The following FNDC3B variants were observed in gnomAD, a reference collection of about 807,000 sequenced individuals.
The protein encoded by FNDC3B is fibronectin type III domain containing 3B, also known as fibronectin type III domain-containing protein 3B.
A neutral mutation model predicts 151.5 loss-of-function variants in FNDC3B; 12 were observed. The observed-to-expected ratio is 0.08, with a 90% CI of 0.05 to 0.13. The LOEUF (loss-of-function observed/expected upper bound fraction) is 0.13. Ranked by LOEUF, FNDC3B falls within the 10% of genes least tolerant of loss-of-function variation. FNDC3B has a pLI of 1.00. For synonymous variants in FNDC3B, 528 were observed against 549.0 expected, an observed-to-expected ratio of 0.96 and a Z score of 0.54; for missense variants, 1,214 against 1,505.3, an observed-to-expected ratio of 0.81 and a Z score of 3.20.
chr3:172,105,099 C>A (rs528136310), intron 1 of FNDC3B, among the ~76,000 whole-genome samples: 8 of 152,130 alleles, frequency 5.3e-5, no homozygotes, highest in Non-Finnish European at 1.2e-4. Flanking sequence ...CTCTCTTTCC[C>A]TCTCTTTTCT....
At chr3:172,320,750 GAATT>G (rs1455817720) in intron 11 of FNDC3B, among the ~76,000 whole-genome samples, 1 of 152,170 alleles carries the variant, frequency 6.6e-6, no homozygotes. Flanking sequence ...ACTGTAGCCT[GAATT>G]AATTGGGATG....
chr3:172,348,473 C>T (rs1733708792), intron 21 of FNDC3B, among the ~76,000 whole-genome samples: 1 of 152,116 alleles, frequency 6.6e-6, no homozygotes, highest in Admixed American at 6.6e-5. Flanking sequence ...AGCAAATTGT[C>T]TGATATTTAT....
intron 3 of FNDC3B, among the ~76,000 whole-genome samples, chr3:172,215,856 G>A (rs1206914124): frequency 6.6e-6 from 1 of 151,452 alleles, no homozygotes; most frequent in African/African-American, 2.4e-5. Flanking sequence ...TTACCTCGGG[G>A]CATTTAAAAT....
chr3:172,314,267 A>G (rs2108259185), intron 11 of FNDC3B, among the ~76,000 whole-genome samples: 1 of 151,318 alleles, frequency 6.6e-6, no homozygotes, highest in East Asian at 1.9e-4. Flanking sequence ...CCAGCCACAC[A>G]CCCATAAACC....
At chr3:172,367,498 T>A (rs1734690169) in intron 23 of FNDC3B, among the ~76,000 whole-genome samples, 1 of 152,246 alleles carries the variant, frequency 6.6e-6, no homozygotes, top group Non-Finnish European at 1.5e-5. Flanking sequence ...ATGTCTTTGG[T>A]TCCCGTGTTA....
At chr3:172,356,032 G>A (rs1197469493) in intron 22 of FNDC3B, among the ~76,000 whole-genome samples, 1 of 152,176 alleles carries the variant, frequency 6.6e-6, no homozygotes, top group Non-Finnish European at 1.5e-5. Flanking sequence ...ACTTAAAGTA[G>A]ATTTGTTTGT....
intron 2 of FNDC3B, among the ~76,000 whole-genome samples, chr3:172,126,252 G>T (rs1720805234): frequency 6.6e-6 from 1 of 152,092 alleles, no homozygotes; most frequent in African/African-American, 2.4e-5. Flanking sequence ...ATGTGCTGAG[G>T]GTGTGCGGGA....
intron 3 of FNDC3B, among the ~76,000 whole-genome samples, chr3:172,135,968 C>T (rs1436518501): frequency 6.6e-6 from 1 of 152,202 alleles, no homozygotes; most frequent in Non-Finnish European, 1.5e-5. Context: ...TCATCTCTAC[C>T]ATTGCTAACA....
At chr3:172,109,388 G>A (rs1421746412) in intron 1 of FNDC3B, among the ~76,000 whole-genome samples, 2 of 151,826 alleles carry the variant, frequency 1.3e-5, no homozygotes, top group South Asian at 2.1e-4. Context: ...GGATGGTCTC[G>A]ATCTCCTGAC....
intron 3 of FNDC3B, among the ~76,000 whole-genome samples, chr3:172,136,970 C>T (rs1721403029): frequency 6.6e-6 from 1 of 152,150 alleles, no homozygotes; most frequent in African/African-American, 2.4e-5. Flanking sequence ...TTCCAAAGTG[C>T]TGGGATTACA....
chr3:172,188,641 G>A (rs1180639308), intron 3 of FNDC3B, among the ~76,000 whole-genome samples: 2 of 151,964 alleles, frequency 1.3e-5, no homozygotes, highest in African/African-American at 2.4e-5. Context: ...TCTTGACCTC[G>A]TGATCCGCCC....
chr3:172,286,676 G>T (rs1362315111), intron 7 of FNDC3B, among the ~76,000 whole-genome samples: 2 of 152,202 alleles, frequency 1.3e-5, no homozygotes, highest in Non-Finnish European at 2.9e-5. Context: ...AAAGCTTGAG[G>T]TGTGTTGAAG....
chr3:172,228,868 G>A (rs147180873), intron 4 of FNDC3B, among the ~76,000 whole-genome samples: 114 of 152,256 alleles, frequency 7.5e-4, no homozygotes, highest in African/African-American at 2.6e-3. Context: ...TTTATGACAC[G>A]TTACAGTAGA....
chr3:172,072,769 C>T (rs762268895), intron 1 of FNDC3B, among the ~76,000 whole-genome samples: 5 of 152,178 alleles, frequency 3.3e-5, no homozygotes, highest in Admixed American at 1.3e-4. Context: ...CTTTCTCCTA[C>T]AGCCTGATGT....
chr3:172,322,628 T>C (rs6777994), intron 11 of FNDC3B, among the ~76,000 whole-genome samples: 4,455 of 152,308 alleles, frequency 0.029, 225 homozygotes, highest in African/African-American at 0.1. Flanking sequence ...ATACAGTTTT[T>C]TAGGTACTAT....
At position 172,208,431 on chromosome 3, in the gene FNDC3B, G is replaced by T. The variant is rs560375067; in HGVS notation, c.188-18440G>T. ...TTCTCCCAGAGGTTGAGCAGGTTAG[G>T]GGGCATGAGTATATCGAGAACAAAT... On this transcript the variant is annotated intron_variant, in intron 3 of 25. Transcript: ENST00000415807. 1.3e-3 allele frequency among the ~76,000 whole-genome samples: 195 copies of T among 152,270 alleles called. 1 individual carries two copies. Among genetic ancestry groups the T allele is most frequent in the Non-Finnish European group, 1.9e-4 (13 of 68,024 alleles).
At chr3:172,324,909 G>A (rs1732264960) in intron 11 of FNDC3B, among the ~76,000 whole-genome samples, 1 of 152,232 alleles carries the variant, frequency 6.6e-6, no homozygotes, top group African/African-American at 2.4e-5. Flanking sequence ...CTGCTCATGT[G>A]CTGCGAACCT....
rs1200809495 is a variant in FNDC3B, at chr3:172,352,961, A to G, written c.2673A>G (p.Glu891=). The change falls in exon 22 of 26, where the codon GAA becomes GAG. Residue 891 remains glutamate (E), a synonymous_variant. Coordinates refer to ENST00000415807, the MANE Select transcript of FNDC3B (RefSeq NM_022763.4). This position sits in a 1 kb window ranked among gnomAD's most constrained non-coding sequence, Gnocchi z 4.2. ...CTGCGTGCCTTGTACTGAACTGGGA[A>G]GAGCCGTGCAATAACGGATCTGAAA... ...SPSACLVLNW[E]EPCNNGSEIL... 2.5e-6 allele frequency: 4 copies of G among 1,614,206 alleles called. No individual in the cohort carries two copies. Among genetic ancestry groups the G allele is most frequent in the Non-Finnish European group, 3.4e-6 (4 of 1,180,022 alleles).
At chr3:172,371,679 C>T (rs1000297364) in intron 23 of FNDC3B, among the ~76,000 whole-genome samples, 9 of 152,182 alleles carry the variant, frequency 5.9e-5, no homozygotes, top group Admixed American at 5.9e-4. Context: ...AAATGCCCGA[C>T]GCTATGGGCA....
Sources: gnomAD v4.1 joint callset for allele counts (sites outside exome capture counted in the v4.1 genomes callset) on GRCh38, gnomAD v4.1.1 for gene constraint, Gnocchi (gnomAD v3.1) non-coding constraint, MANE v1.5 for transcripts, NCBI Gene and HGNC (gene_info 2026-07-23, HGNC 2026-07-21) for gene names.